WDSUB1: variants seen among roughly 807,000 people sequenced by gnomAD.
The protein encoded by WDSUB1 is WD repeat, SAM and U-box domain-containing protein 1.
Under a neutral mutation model 53.9 loss-of-function variants are expected in WDSUB1, and 49 were observed. The observed-to-expected ratio is 0.91, with a 90% CI of 0.72 to 1.15. The LOEUF is 1.15. Among genes scored for constraint, WDSUB1 ranks in the 50% most tolerant of loss-of-function variants. WDSUB1 has a pLI of 0.00. For synonymous variants in WDSUB1, 194 were observed against 200.6 expected (o/e 0.97, Z 0.28); for missense variants, 514 against 562.0 (o/e 0.91, Z 0.86).
chr2:159,271,777 T>C lies in WDSUB1; in HGVS notation c.695A>G (p.Lys232Arg), dbSNP rs1399342231. 2.1e-5 allele frequency: 34 copies of C among 1,613,842 alleles called. No individual in the cohort carries two copies. In the Admixed American group the frequency reaches 5.5e-4, roughly 26 times the overall value. ...AGCACAGTGCCCACTCAGTGTACTT[T>C]TATATTTTAATTCAAAACCTGCAAA... ...THILGFELKY[K>R]STLSGHCAPV... Residue 232 changes from lysine to arginine, a missense_variant, in exon 5 of 11, where the codon AAA (lysine) becomes AGA (arginine). By Grantham distance (26) the Lys-to-Arg change is conservative. Coordinates refer to ENST00000359774, the MANE Select transcript of WDSUB1 (RefSeq NM_001128212.3).
chr2:159,282,293 C>A (rs1168706747), intron 2 of WDSUB1, among the ~76,000 whole-genome samples: 1 of 151,906 alleles, frequency 6.6e-6, no homozygotes, highest in Non-Finnish European at 1.5e-5. Flanking sequence ...CCTGGGTTCA[C>A]GTCATTCTCC....
At chr2:159,243,516 A>G (rs973696886) in intron 10 of WDSUB1, among the ~76,000 whole-genome samples, 20 of 147,980 alleles carry the variant, frequency 1.4e-4, no homozygotes, top group Admixed American at 6.6e-4. Flanking sequence ...ATTTTGAAAA[A>G]TGTTACCAGT....
chr2:159,266,937 G>T (rs976556140), intron 5 of WDSUB1, among the ~76,000 whole-genome samples: 3 of 151,914 alleles, frequency 2.0e-5, no homozygotes, highest in Non-Finnish European at 1.5e-5. Flanking sequence ...CCATGCTTGG[G>T]TAACTTTTTA....
At chr2:159,245,464 C>T (rs865873289) in intron 10 of WDSUB1, among the ~76,000 whole-genome samples, 2 of 149,852 alleles carry the variant, frequency 1.3e-5, no homozygotes, top group Non-Finnish European at 3.0e-5. Flanking sequence ...ACCCGGGAGG[C>T]GGAGGTTGCA....
intron 9 of WDSUB1, among the ~76,000 whole-genome samples, chr2:159,251,111 T>TAAAAAAAAAAAAAAAAAAAA (rs1553627595): frequency 1.0e-5 from 1 of 99,556 alleles, no homozygotes; most frequent in Non-Finnish European, 3.1e-5. Flanking sequence ...AAAAAAATTT[T>TAAAAAAAAAAAAAAAAAAAA]AAAAATTAGC....
intron 5 of WDSUB1, among the ~76,000 whole-genome samples, chr2:159,262,973 T>G (rs1212107316): frequency 6.6e-6 from 1 of 152,200 alleles, no homozygotes; most frequent in Non-Finnish European, 1.5e-5. Context: ...AGTTTCCTCA[T>G]GAGGCAGGTA....
chr2:159,249,326 T>C (rs1340894092), intron 9 of WDSUB1, among the ~76,000 whole-genome samples: 1 of 152,228 alleles, frequency 6.6e-6, no homozygotes, highest in African/African-American at 2.4e-5. Context: ...TTGTTTTTAT[T>C]CTTAACTTTA....
intron 8 of WDSUB1, among the ~76,000 whole-genome samples, chr2:159,257,168 A>C (rs1029337435): frequency 6.6e-6 from 1 of 151,890 alleles, no homozygotes; most frequent in African/African-American, 2.4e-5. Flanking sequence ...TGTGTGGCTA[A>C]TTTTTGTCTT....
At chr2:159,244,620 C>T (rs2060744634) in intron 10 of WDSUB1, among the ~76,000 whole-genome samples, 1 of 152,110 alleles carries the variant, frequency 6.6e-6, no homozygotes, top group African/African-American at 2.4e-5. Context: ...TCAAATTGTA[C>T]AGTTATAAAA....
chr2:159,280,174 C>G (rs2061625270), intron 2 of WDSUB1, among the ~76,000 whole-genome samples: 1 of 152,156 alleles, frequency 6.6e-6, no homozygotes, highest in Non-Finnish European at 1.5e-5. Flanking sequence ...AACATTTTAA[C>G]TGGTATGTTC....
In WDSUB1 at chr2:159,256,222, T is replaced by G. The variant is rs1032762668; in HGVS notation, c.1106A>C (p.Glu369Ala). 1 of 1,602,378 alleles carries G rather than the reference T, an allele frequency of 6.2e-7. No individual in the cohort carries two copies. Among genetic ancestry groups the G allele is most frequent in the Non-Finnish European group, 8.5e-7 (1 of 1,176,324 alleles). Reference protein sequence around the residue: ...DGKELLNLTKESLADDLKIES... With the variant: ...DGKELLNLTKASLADDLKIES... ...AATTTTCAAATCATCAGCCAGACTT[T>G]CTTTTGTAAGATTCAACAGTTCTTT... The change falls in exon 9 of 11, where the codon GAA (glutamate) becomes GCA (alanine). Residue 369 changes from glutamate to alanine, a missense_variant. Physicochemically the swap from Glu to Ala is moderately radical, Grantham distance 107. Coordinates refer to ENST00000359774, the MANE Select transcript of WDSUB1 (RefSeq NM_001128212.3).
chr2:159,269,484 A>C (rs1006444359), intron 5 of WDSUB1, among the ~76,000 whole-genome samples: 1 of 152,126 alleles, frequency 6.6e-6, no homozygotes, highest in African/African-American at 2.4e-5. Flanking sequence ...TATCATTCCA[A>C]GGATTTAAGA....
intron 10 of WDSUB1, 78 bp downstream of exon 10, chr2:159,248,294 A>G: frequency 6.5e-7 from 1 of 1,529,016 alleles, no homozygotes; most frequent in Non-Finnish European, 8.7e-7. Context: ...CATTTAAGCA[A>G]ACTTCTGAGA....
chr2:159,245,550 T>C (rs187028740), intron 10 of WDSUB1, among the ~76,000 whole-genome samples: 296 of 147,926 alleles, frequency 2.0e-3, no homozygotes, highest in Middle Eastern at 7.0e-3. Context: ...AAAAAAAGAC[T>C]ATAAAGCTAC....
intron 9 of WDSUB1, among the ~76,000 whole-genome samples, chr2:159,252,713 A>G (rs928638977): frequency 6.6e-6 from 1 of 152,260 alleles, no homozygotes; most frequent in African/African-American, 2.4e-5. Flanking sequence ...TACATAACGA[A>G]TTAATAAGAA....
Position 159,257,852 on chromosome 2 carries a change from A to G in WDSUB1, c.858T>C (p.Thr286=), listed in dbSNP as rs2151091425. 6.2e-7 allele frequency: 1 copy of G among 1,614,160 alleles called. No homozygotes were observed. Among genetic ancestry groups the G allele is most frequent in the South Asian group, 1.1e-5 (1 of 91,084 alleles). Residue 286 remains threonine (T), a synonymous_variant, in exon 8 of 11, where the codon ACT becomes ACC. Transcript: ENST00000359774. The part of the protein sequence containing the change: ...TLTQHTRYVT[T]CAFAPNTLLL... ...AAAGGGTATTAGGTGCAAAAGCACA[A>G]GTTGTGACATACCTAGTTAATAAAA...
At chr2:159,281,290 GTACA>G (rs1416030599) in intron 2 of WDSUB1, among the ~76,000 whole-genome samples, 9 of 151,980 alleles carry the variant, frequency 5.9e-5, no homozygotes, top group African/African-American at 2.2e-4. Context: ...TCAGGCTGGG[GTACA>G]GTAGTGCAAT....
chr2:159,236,171 C>T lies in WDSUB1; in HGVS notation c.1293G>A (p.Lys431=). The change falls in exon 11 of 11, where the codon AAG becomes AAA. Residue 431 remains lysine (K), a synonymous_variant. Transcript: ENST00000359774. ...VIASDGYSYE[K]EAMENWISKK... ...TGCTGATCCAATTTTCCATTGCTTC[C>T]TTTTCATATGAATAGCCATCTAAAA... is the stretch of plus-strand genomic sequence containing the variant. The T allele has an allele frequency of 6.2e-7, 1 of 1,608,320 alleles. No homozygotes were observed. The highest frequency in any genetic ancestry group is 8.5e-7 in the Non-Finnish European group (1 of 1,178,240).
chr2:159,248,194 ACT>A (rs1040415844), intron 10 of WDSUB1, among the ~76,000 whole-genome samples, 176 bp downstream of exon 10: 13 of 151,702 alleles, frequency 8.6e-5, no homozygotes, highest in African/African-American at 2.4e-4. Flanking sequence ...CTCCACAACT[ACT>A]CTGTTCAATT....
Sources: allele counts gnomAD v4.1 joint callset (sites outside exome capture counted in the v4.1 genomes callset), GRCh38; gene constraint gnomAD v4.1.1; transcripts MANE v1.5; gene names NCBI Gene and HGNC (gene_info 2026-07-23, HGNC 2026-07-21).